MID2: variants seen among roughly 807,000 people sequenced by gnomAD.
MID2 encodes the protein midline 2.
A neutral mutation model predicts 46.1 loss-of-function variants in MID2; 13 were observed. That is an observed-to-expected ratio of 0.28 (90% CI 0.18 to 0.45). The LOEUF is 0.45. MID2 is among the 20% of genes least tolerant of loss of function. MID2 has a pLI of 1.00. For missense variants in MID2, 431 were observed against 575.4 expected (o/e 0.75, Z 2.57); for synonymous variants, 199 against 212.3 (o/e 0.94, Z 0.55).
intron 3 of MID2, among the ~76,000 whole-genome samples, chrX:107,887,088 C>T (rs1398603340): frequency 7.2e-5 from 8 of 111,509 alleles, no homozygotes; most frequent in Admixed American, 9.5e-5. Context: ...ATTTGACTTC[C>T]TCTTTTCCTA....
chrX:107,886,097 CT>C (rs1932446009), intron 3 of MID2, among the ~76,000 whole-genome samples: 2 of 111,659 alleles, frequency 1.8e-5, no homozygotes. Flanking sequence ...ATGGTAGTTT[CT>C]TTTGCTGTGC....
intron 7 of MID2, among the ~76,000 whole-genome samples, chrX:107,921,404 C>T (rs1933070168): frequency 9.0e-6 from 1 of 111,349 alleles, no homozygotes; most frequent in Non-Finnish European, 1.9e-5. Context: ...GATTTATTCA[C>T]TGTAGTTGCT....
intron 1 of MID2, among the ~76,000 whole-genome samples, chrX:107,829,628 G>C (rs1198133557): frequency 1.8e-5 from 2 of 112,012 alleles, no homozygotes; most frequent in African/African-American, 6.5e-5. Flanking sequence ...CTGCTGATTG[G>C]GCTGAGGCCC....
intron 3 of MID2, among the ~76,000 whole-genome samples, chrX:107,874,032 TATC>T (rs1341138148): frequency 3.0e-5 from 3 of 101,217 alleles, no homozygotes; most frequent in African/African-American, 3.8e-5. Flanking sequence ...CTCTCAACAA[TATC>T]ATTCAGAGTA....
intron 1 of MID2, among the ~76,000 whole-genome samples, chrX:107,832,126 A>G (rs1291267649): frequency 8.9e-6 from 1 of 112,666 alleles, no homozygotes; most frequent in African/African-American, 3.2e-5. Context: ...TCCATGTACT[A>G]TAAAATATTA....
Position 107,840,832 on chromosome X carries a change from G to A in MID2, c.167G>A (p.Arg56His), listed in dbSNP as rs373511106. The change falls in exon 2 of 10, where the codon CGC (arginine) becomes CAC (histidine). Residue 56 changes from arginine to histidine, a missense_variant. Physicochemically the swap from Arg to His is conservative, Grantham distance 29. Coordinates refer to ENST00000262843, the MANE Select transcript of MID2 (RefSeq NM_012216.4). ...AHSLCFSCAH[R>H]ILVSSCSSGE... ...AGCCTCTGCTTCAGCTGTGCCCATC[G>A]CATTTTGGTATCAAGCTGCAGCTCT... 77 of 1,209,623 alleles carry A rather than the reference G, an allele frequency of 6.4e-5. No homozygotes were observed. Among genetic ancestry groups the A allele is most frequent in the Non-Finnish European group, 7.8e-5 (70 of 895,170 alleles).
intron 1 of MID2, among the ~76,000 whole-genome samples, chrX:107,828,310 C>CTTTTTTTTTTTTTTTTT (rs766362742): frequency 4.8e-5 from 4 of 83,022 alleles, no homozygotes; most frequent in African/African-American, 1.1e-4. Context: ...TCTTTCTTTT[C>CTTTTTTTTTTTTTTTTT]TTTTTTTTTT....
chrX:107,865,291 A>T (rs1391425910), intron 3 of MID2, among the ~76,000 whole-genome samples: 1 of 111,966 alleles, frequency 8.9e-6, no homozygotes, highest in African/African-American at 3.2e-5. Flanking sequence ...TGTGGGAATG[A>T]TGTGGTGTGA....
At chrX:107,898,391 G>C (rs1025686686) in intron 3 of MID2, among the ~76,000 whole-genome samples, 1 of 111,580 alleles carries the variant, frequency 9.0e-6, no homozygotes, top group African/African-American at 3.3e-5. Context: ...GCCTAAACTT[G>C]TCTCCCCTTA....
intron 2 of MID2, among the ~76,000 whole-genome samples, chrX:107,846,781 C>A (rs925798625): frequency 8.1e-5 from 9 of 111,621 alleles, no homozygotes; most frequent in Non-Finnish European, 1.5e-4. Flanking sequence ...TTATCTGTAC[C>A]CTTATCTTTC....
At chrX:107,916,564 C>T (rs897531293) in intron 6 of MID2, among the ~76,000 whole-genome samples, 13 of 111,807 alleles carry the variant, frequency 1.2e-4, no homozygotes, top group Middle Eastern at 9.1e-3. Context: ...ATATCTGGCT[C>T]TCAGACAATT....
At chrX:107,877,439 A>G (rs1351399468) in intron 3 of MID2, among the ~76,000 whole-genome samples, 1 of 112,018 alleles carries the variant, frequency 8.9e-6, no homozygotes, top group Non-Finnish European at 1.9e-5. Context: ...ACAGGGAAAT[A>G]GGTGTCTCTC....
chrX:107,855,116 A>G (rs1212971234), intron 3 of MID2, among the ~76,000 whole-genome samples: 3 of 110,921 alleles, frequency 2.7e-5, no homozygotes, highest in African/African-American at 9.8e-5. Flanking sequence ...TGTTTCTGTA[A>G]CAATATTATC....
At position 107,846,381 on chromosome X, in the gene MID2, A is replaced by G. The variant is rs183423992; in HGVS notation, c.720+4996A>G. On this transcript the variant is annotated intron_variant, in intron 2 of 9. Transcript: ENST00000262843. ...TTATGCTCTTTAAGGTCTGGTGGTA[A>G]TGGTGGTGAACATGTGTGTGTGGGG... is the stretch of plus-strand genomic sequence containing the variant. Among the ~76,000 whole-genome samples the G allele has an allele frequency of 8.3e-3, 918 of 111,216 alleles. 8 individuals carry two copies. Among genetic ancestry groups the G allele is most frequent in the African/African-American group, 0.028 (856 of 30,606 alleles).
intron 3 of MID2, 37 bp downstream of exon 3, chrX:107,854,741 C>T (rs1442901786): frequency 1.9e-6 from 2 of 1,032,886 alleles, no homozygotes; most frequent in Non-Finnish European, 1.4e-6. Flanking sequence ...TTCAGAGGAC[C>T]TGAAATGGGT....
At chrX:107,864,718 C>T (rs1931921180) in intron 3 of MID2, among the ~76,000 whole-genome samples, 1 of 112,028 alleles carries the variant, frequency 8.9e-6, no homozygotes, top group Non-Finnish European at 1.9e-5. Flanking sequence ...ACCACAATGA[C>T]TGCAAATATA....
chrX:107,916,257 G>A, intron 6 of MID2, 128 bp downstream of exon 6: 1 of 510,148 alleles, frequency 2.0e-6, no homozygotes. Flanking sequence ...TGATGCATGT[G>A]TCTTTTCAGA....
intron 3 of MID2, among the ~76,000 whole-genome samples, chrX:107,880,937 C>T (rs778483091): frequency 8.9e-6 from 1 of 112,763 alleles, no homozygotes; most frequent in Non-Finnish European, 1.9e-5. Flanking sequence ...TTTGCAAAGG[C>T]GATTTCAAAA....
chrX:107,909,728 A>G (rs1961270632), intron 5 of MID2, among the ~76,000 whole-genome samples: 1 of 112,401 alleles, frequency 8.9e-6, no homozygotes, highest in African/African-American at 3.2e-5. Context: ...TAATTTTCAC[A>G]CTTGATAGGT....
Sources: gnomAD v4.1 joint callset for allele counts (sites outside exome capture counted in the v4.1 genomes callset) on GRCh38, gnomAD v4.1.1 for gene constraint, MANE v1.5 for transcripts, NCBI Gene and HGNC (gene_info 2026-07-23, HGNC 2026-07-21) for gene names.